STXBP6: variants seen among roughly 807,000 people sequenced by gnomAD.
The protein encoded by STXBP6 is syntaxin binding protein 6, also known as syntaxin-binding protein 6.
A neutral mutation model predicts 26.9 loss-of-function variants in STXBP6; 21 were observed. The observed-to-expected ratio is 0.78, with a 90% CI of 0.55 to 1.12. STXBP6 has a LOEUF of 1.12. STXBP6 is among the 50% of genes most tolerant of loss of function. The pLI is 0.00. For missense variants in STXBP6, 232 were observed against 257.9 expected, an observed-to-expected ratio of 0.90 and a Z score of 0.69; for synonymous variants, 97 against 92.6, an observed-to-expected ratio of 1.05 and a Z score of -0.27.
intron 2 of STXBP6, among the ~76,000 whole-genome samples, chr14:24,900,174 A>G (rs2071162645): frequency 6.6e-6 from 1 of 152,218 alleles, no homozygotes; most frequent in Admixed American, 6.5e-5. Context: ...CTATACTAAG[A>G]GAAAGGCATA....
intron 2 of STXBP6, among the ~76,000 whole-genome samples, chr14:24,876,511 G>A (rs888630460): frequency 1.3e-5 from 2 of 152,080 alleles, no homozygotes; most frequent in African/African-American, 2.4e-5. Flanking sequence ...TCCTCTTCTT[G>A]CAAGGACACC....
At chr14:25,039,061 T>C (rs533738400) in intron 1 of STXBP6, among the ~76,000 whole-genome samples, 1 of 152,306 alleles carries the variant, frequency 6.6e-6, no homozygotes, top group East Asian at 1.9e-4. Flanking sequence ...AATGCATATG[T>C]TAACTAGCTT....
intron 2 of STXBP6, among the ~76,000 whole-genome samples, chr14:24,945,181 TC>T (rs1252670651): frequency 1.1e-4 from 13 of 120,762 alleles, no homozygotes; most frequent in African/African-American, 3.9e-4. Context: ...GATTCCTGAC[TC>T]CCACTTTCAC....
chr14:24,951,149 T>G, intron 2 of STXBP6, among the ~76,000 whole-genome samples: 1 of 152,212 alleles, frequency 6.6e-6, no homozygotes, highest in East Asian at 1.9e-4. Context: ...TGGATGGACA[T>G]TTGGGTTGGT....
intron 2 of STXBP6, among the ~76,000 whole-genome samples, chr14:24,928,967 T>C (rs2072282459): frequency 6.7e-6 from 1 of 149,892 alleles, no homozygotes; most frequent in African/African-American, 2.4e-5. Flanking sequence ...AAAAAAATAG[T>C]GTGACATTCC....
intron 1 of STXBP6, among the ~76,000 whole-genome samples, chr14:25,002,683 T>C (rs1379026875): frequency 1.3e-5 from 2 of 151,286 alleles, no homozygotes; most frequent in Non-Finnish European, 2.9e-5. Flanking sequence ...CTAAGTCCTG[T>C]TGAAGAAACA....
At chr14:24,833,817 CACT>C (rs1384764694) in intron 4 of STXBP6, among the ~76,000 whole-genome samples, 1 of 152,030 alleles carries the variant, frequency 6.6e-6, no homozygotes, top group African/African-American at 2.4e-5. Flanking sequence ...ATAAAAACAC[CACT>C]ATTTCCAAAA....
rs1264373092 is a variant in STXBP6, at chr14:24,810,936, T to G, written c.*1773A>C. 5 of 148,052 alleles carry G rather than the reference T, an allele frequency of 3.4e-5. No homozygotes were observed. The highest frequency in any genetic ancestry group is 1.2e-4 in the African/African-American group (5 of 40,376). 9.2% of individuals were successfully genotyped at this position (148,052 alleles called of 1,614,324 possible). A position where few individuals can be genotyped will look rare whatever the true frequency, so the allele number is the denominator to read the frequency against. ...CTGAGATCTGCAAACAAAATCTATT[T>G]GGAGTGATATTTGGGGCTTTTCCTA... On this transcript the variant is annotated 3_prime_UTR_variant, in exon 6 of 6. Coordinates refer to ENST00000323944, the MANE Select transcript of STXBP6 (RefSeq NM_001394410.1).
At chr14:25,036,700 C>CA (rs1211023482) in intron 1 of STXBP6, among the ~76,000 whole-genome samples, 1 of 151,412 alleles carries the variant, frequency 6.6e-6, no homozygotes, top group Admixed American at 6.6e-5. Flanking sequence ...TAAAAATATA[C>CA]AAAAAATTAG....
intron 2 of STXBP6, among the ~76,000 whole-genome samples, chr14:24,911,342 A>G (rs968217399): frequency 4.4e-4 from 66 of 151,346 alleles, no homozygotes; most frequent in African/African-American, 1.3e-3. Context: ...GCCTCAAAGA[A>G]GGAACGAAGG....
At chr14:24,899,120 T>C (rs6574079) in intron 2 of STXBP6, among the ~76,000 whole-genome samples, 94,115 of 152,044 alleles carry the variant, frequency 0.62, 29,534 homozygotes, top group South Asian at 0.76. Context: ...CTTTGAAGAT[T>C]TCAAGTATTT....
chr14:25,004,146 A>G (rs755627568), intron 1 of STXBP6, among the ~76,000 whole-genome samples: 2 of 152,206 alleles, frequency 1.3e-5, no homozygotes, highest in Admixed American at 6.5e-5. Flanking sequence ...AGAAGAAGGC[A>G]GCTGATCCTC....
chr14:25,016,067 G>C (rs2075140881), intron 1 of STXBP6, among the ~76,000 whole-genome samples: 2 of 152,262 alleles, frequency 1.3e-5, no homozygotes, highest in East Asian at 3.9e-4. Flanking sequence ...AAGTGTCAGA[G>C]GGCTGTTGTA....
intron 1 of STXBP6, among the ~76,000 whole-genome samples, chr14:25,037,895 G>A (rs550548805): frequency 5.3e-5 from 8 of 152,248 alleles, no homozygotes; most frequent in African/African-American, 1.9e-4. Flanking sequence ...CAACTTTTCA[G>A]CAAGTTTCCT....
At chr14:24,838,664 A>G (rs548675631) in intron 4 of STXBP6, among the ~76,000 whole-genome samples, 2 of 151,996 alleles carry the variant, frequency 1.3e-5, no homozygotes, top group South Asian at 4.2e-4. Flanking sequence ...AGCCTGGGTG[A>G]CAGATCGAGA....
chr14:25,000,867 T>C (rs1333040319), intron 1 of STXBP6, among the ~76,000 whole-genome samples: 1 of 151,588 alleles, frequency 6.6e-6, no homozygotes, highest in African/African-American at 2.4e-5. Context: ...GATCTTACCC[T>C]TTTTGTCCAG....
At chr14:24,857,362 G>GT (rs2069376361) in intron 2 of STXBP6, among the ~76,000 whole-genome samples, 6 of 152,100 alleles carry the variant, frequency 3.9e-5, no homozygotes, top group South Asian at 4.1e-4. Flanking sequence ...TCTCCACTCT[G>GT]AAGCAGTTTA....
At chr14:24,873,214 C>G (rs1198435361) in intron 2 of STXBP6, among the ~76,000 whole-genome samples, 1 of 151,998 alleles carries the variant, frequency 6.6e-6, no homozygotes, top group African/African-American at 2.4e-5. Flanking sequence ...GCCGTAGGAT[C>G]TTGTTTATTA....
intron 2 of STXBP6, among the ~76,000 whole-genome samples, chr14:24,883,984 C>T (rs1595040717): frequency 6.6e-6 from 1 of 152,124 alleles, no homozygotes; most frequent in African/African-American, 2.4e-5. Context: ...ATTAACTCTC[C>T]TCTTTAATAT....
Sources: allele counts gnomAD v4.1 joint callset (sites outside exome capture counted in the v4.1 genomes callset), GRCh38; gene constraint gnomAD v4.1.1; transcripts MANE v1.5; gene names NCBI Gene and HGNC (gene_info 2026-07-23, HGNC 2026-07-21).